Variants in RAC1 observed in about 807,000 individuals in gnomAD.
RAC1 encodes Rac family small GTPase 1.
RAC1 carries 2 observed loss-of-function variants against 25.2 expected under a neutral mutation model. That is an observed-to-expected ratio of 0.08 (90% confidence interval 0.03 to 0.25). The LOEUF (loss-of-function observed/expected upper bound fraction) is 0.25, where lower values mean the gene tolerates loss of function less well. Ranked by LOEUF, RAC1 falls within the 10% of genes least tolerant of loss-of-function variation. RAC1 has a pLI of 1.00. For missense variants in RAC1, 50 were observed against 235.7 expected (o/e 0.21, Z 5.16); for synonymous variants, 88 against 94.0 (o/e 0.94, Z 0.37).
rs556749354 is a variant in RAC1, at chr7:6,388,310, C to T, written c.107+1027C>T. Among the ~76,000 whole-genome samples, 8 of 150,302 alleles carry T rather than the reference C, an allele frequency of 5.3e-5. No individual in the cohort carries two copies. In the South Asian group the frequency reaches 1.0e-3, roughly 20 times the overall value. ...CACACCCAGGTGCTCTCTGAAGTGT[C>T]GTACCCATGTTTTTGTTGTTGTTGT... On this transcript the variant is annotated intron_variant, in intron 2 of 5. Coordinates refer to ENST00000348035, the MANE Select transcript of RAC1 (RefSeq NM_006908.5).
chr7:6,391,166 G>T (rs947733188), intron 2 of RAC1, among the ~76,000 whole-genome samples: 6 of 151,894 alleles, frequency 4.0e-5, no homozygotes, highest in African/African-American at 1.2e-4. Context: ...CCAAAGTGCT[G>T]GGATTACAGG....
chr7:6,385,092 C>T (rs1782884798), intron 1 of RAC1, among the ~76,000 whole-genome samples: 1 of 152,208 alleles, frequency 6.6e-6, no homozygotes, highest in Non-Finnish European at 1.5e-5. Context: ...AGGCATGAGC[C>T]ACCATGCCTG....
chr7:6,396,601 G>A (rs775323575), intron 3 of RAC1, among the ~76,000 whole-genome samples: 2 of 152,156 alleles, frequency 1.3e-5, no homozygotes, highest in Non-Finnish European at 2.9e-5. Flanking sequence ...TTTTGTAACT[G>A]GTTCTCGATG....
At chr7:6,401,627 G>A (rs6954996) in intron 4 of RAC1, 19,158 of 322,038 alleles carry the variant, frequency 0.059, 1,077 homozygotes, top group African/African-American at 0.18. Flanking sequence ...TGTAGAGCCC[G>A]TTCTGTCCGG....
rs533217333 is a variant in RAC1, at chr7:6,391,141, G to A, written c.108-783G>A. 7.9e-5 allele frequency among the ~76,000 whole-genome samples: 12 copies of A among 152,026 alleles called. No individual in the cohort carries two copies. In the South Asian group the frequency reaches 1.2e-3, roughly 16 times the overall value. On this transcript the variant is annotated intron_variant, in intron 2 of 5. Transcript: ENST00000348035. ...TCGAACTCTTGACCTCAGGTGATCC[G>A]CCCACCTCGGCCTCCCAAAGTGCTG...
At chr7:6,381,969 C>A (rs1426887279) in intron 1 of RAC1, among the ~76,000 whole-genome samples, 1 of 151,960 alleles carries the variant, frequency 6.6e-6, no homozygotes, top group Non-Finnish European at 1.5e-5. Context: ...CTAAATTCTA[C>A]TGCCTTGTCC....
intron 1 of RAC1, among the ~76,000 whole-genome samples, chr7:6,385,439 C>G (rs1353535859): frequency 1.3e-5 from 2 of 152,164 alleles, no homozygotes; most frequent in Admixed American, 6.5e-5. Flanking sequence ...ACAGCCAGTA[C>G]GTGCTAGAAT....
At position 6,391,921 on chromosome 7, in the gene RAC1, C is replaced by T. The variant is rs754666288; in HGVS notation, c.108-3C>T. On this transcript the variant is annotated splice_region_variant and splice_polypyrimidine_tract_variant and intron_variant, in intron 2 of 5. Coordinates refer to ENST00000348035, the MANE Select transcript of RAC1 (RefSeq NM_006908.5). Reference sequence around the variant, plus strand: ...GACTAACCATTTTCATTCCATTCTACAGCTTTGACAATTATTCTGCCAATG... The same window carrying T: ...GACTAACCATTTTCATTCCATTCTATAGCTTTGACAATTATTCTGCCAATG... The T allele has an allele frequency of 1.9e-6, 3 of 1,614,082 alleles. No homozygotes were observed. Among genetic ancestry groups the T allele is most frequent in the Non-Finnish European group, 1.7e-6 (2 of 1,179,986 alleles).
chr7:6,380,758 T>C (rs1483767603), intron 1 of RAC1, among the ~76,000 whole-genome samples: 2 of 152,192 alleles, frequency 1.3e-5, no homozygotes, highest in Non-Finnish European at 2.9e-5. Flanking sequence ...TCTATGACAG[T>C]ATTTTGCTCT....
At chr7:6,398,684 A>T (rs953447166) in intron 3 of RAC1, 7 of 1,613,942 alleles carry the variant, frequency 4.3e-6, no homozygotes, top group Non-Finnish European at 5.1e-6. Context: ...TACGGTAAGG[A>T]TATAACCTCC....
At chr7:6,379,134 A>G (rs1423449441) in intron 1 of RAC1, among the ~76,000 whole-genome samples, 1 of 152,046 alleles carries the variant, frequency 6.6e-6, no homozygotes, top group East Asian at 1.9e-4. Context: ...GGTATTTATA[A>G]ACAACTTTTA....
At chr7:6,391,367 C>T (rs1178556530) in intron 2 of RAC1, 3 of 153,200 alleles carry the variant, frequency 2.0e-5, no homozygotes, top group Admixed American at 6.5e-5. Context: ...TCTCTCCTGA[C>T]TAATTTGTGT....
intron 1 of RAC1, among the ~76,000 whole-genome samples, chr7:6,378,311 C>T (rs561220794): frequency 9.9e-5 from 15 of 151,978 alleles, no homozygotes; most frequent in East Asian, 3.9e-4. Flanking sequence ...TTTGGGAGGC[C>T]GAGGCAGGCG....
chr7:6,400,916 C>A (rs923700598), intron 4 of RAC1, among the ~76,000 whole-genome samples: 1 of 152,118 alleles, frequency 6.6e-6, no homozygotes, highest in Non-Finnish European at 1.5e-5. Context: ...CTCAGGTGAT[C>A]CGCGCGTCTC....
chr7:6,401,187 C>G (rs1454186081), intron 4 of RAC1, among the ~76,000 whole-genome samples: 5 of 152,156 alleles, frequency 3.3e-5, no homozygotes, highest in Admixed American at 2.0e-4. Context: ...AACCCCTGGC[C>G]TCAAGTGATC....
chr7:6,386,972 C>T (rs1782940778), intron 1 of RAC1, among the ~76,000 whole-genome samples: 1 of 151,082 alleles, frequency 6.6e-6, no homozygotes, highest in African/African-American at 2.5e-5. Flanking sequence ...CACCGGGTAC[C>T]TAAACAGAAT....
chr7:6,386,788 C>CAAAAAAA (rs71008388), intron 1 of RAC1, among the ~76,000 whole-genome samples: 1 of 88,192 alleles, frequency 1.1e-5, no homozygotes. Context: ...GACTCGGTCT[C>CAAAAAAA]AAAAAAAAAA....
intron 1 of RAC1, among the ~76,000 whole-genome samples, chr7:6,386,165 C>G (rs1165654638): frequency 1.3e-5 from 2 of 152,166 alleles, no homozygotes; most frequent in Non-Finnish European, 2.9e-5. Context: ...CTACACACTT[C>G]TCTGTTTGGC....
chr7:6,381,487 G>A (rs777057275), intron 1 of RAC1, among the ~76,000 whole-genome samples: 36 of 150,732 alleles, frequency 2.4e-4, no homozygotes, highest in Non-Finnish European at 5.0e-4. Context: ...CTGCCTCCCA[G>A]GTTCAAGCAA....
Sources: allele counts gnomAD v4.1 joint callset (sites outside exome capture counted in the v4.1 genomes callset), GRCh38; gene constraint gnomAD v4.1.1; transcripts MANE v1.5; gene names NCBI Gene and HGNC (gene_info 2026-07-23, HGNC 2026-07-21).